The following CLCN4 variants were observed in gnomAD, a reference collection of about 807,000 sequenced individuals.
CLCN4 encodes Cl-/H+ antiporter 4, also known as H(+)/Cl(-) exchange transporter 4.
A neutral mutation model predicts 41.7 loss-of-function variants in CLCN4; 1 was observed. That is an observed-to-expected ratio of 0.02 (90% CI 0.01 to 0.11). The LOEUF is 0.11. CLCN4 is among the 10% of genes least tolerant of loss of function. The probability of loss-of-function intolerance (pLI) is 1.00; values close to 1 mark genes in which losing one functional copy is unlikely to be tolerated. For missense variants in CLCN4, 287 were observed against 661.0 expected (o/e 0.43, Z 6.20); for synonymous variants, 277 against 285.8 (o/e 0.97, Z 0.31).
intron 11 of CLCN4, 146 bp downstream of exon 11, chrX:10,214,225 G>A: frequency 1.7e-6 from 1 of 597,445 alleles, no homozygotes; most frequent in Admixed American, 4.5e-5. Flanking sequence ...CCAGGGGTCT[G>A]GCTCAAAAGC....
intron 12 of CLCN4, 49 bp downstream of exon 12, chrX:10,220,926 G>A (rs1448768610): frequency 1.9e-6 from 2 of 1,039,124 alleles, no homozygotes; most frequent in South Asian, 1.9e-5. Context: ...AAAAAGATGA[G>A]TGAGACATGG....
intron 2 of CLCN4, among the ~76,000 whole-genome samples, chrX:10,161,334 C>T (rs59866001): frequency 0.051 from 5,675 of 111,502 alleles, 330 homozygotes; most frequent in African/African-American, 0.17. Context: ...CTTCAGTCCA[C>T]GGACATCCCA....
In CLCN4 at chrX:10,212,778, A is replaced by G. The variant is rs191918152; in HGVS notation, c.1576+125A>G. 1,530 of 593,952 alleles carry G rather than the reference A, an allele frequency of 2.6e-3. 15 individuals carry two copies. The African/African-American group carries it at 0.031, about 12-fold the overall frequency. 48.9% of individuals were successfully genotyped at this position (593,952 alleles called of 1,213,427 possible). On this transcript the variant is annotated intron_variant, in intron 10 of 12. Transcript: ENST00000380833. ...GGATAGGCTGGGTTGTGTGGCTATAACAAGTAAACCCCTAAATCACAATGG... is the reference window on the plus strand; with the variant it reads ...GGATAGGCTGGGTTGTGTGGCTATAGCAAGTAAACCCCTAAATCACAATGG...
At chrX:10,186,875 G>A (rs1360245965) in intron 3 of CLCN4, among the ~76,000 whole-genome samples, 2 of 111,674 alleles carry the variant, frequency 1.8e-5, no homozygotes, top group East Asian at 2.8e-4. Flanking sequence ...GAGTTGCAAC[G>A]GAGACCATCC....
intron 9 of CLCN4, among the ~76,000 whole-genome samples, chrX:10,210,650 CTTTT>C (rs34763016): frequency 2.7e-5 from 2 of 75,085 alleles, no homozygotes; most frequent in African/African-American, 1.0e-4. Flanking sequence ...CCTGAATTGT[CTTTT>C]TTTTTTTTTT....
intron 11 of CLCN4, among the ~76,000 whole-genome samples, chrX:10,214,471 G>A (rs1007591202): frequency 8.8e-6 from 1 of 113,022 alleles, no homozygotes; most frequent in Non-Finnish European, 1.9e-5. Flanking sequence ...GAAGAGAGGC[G>A]ACAGCCTGGA....
intron 2 of CLCN4, among the ~76,000 whole-genome samples, chrX:10,164,953 C>T (rs970482339): frequency 8.9e-6 from 1 of 112,532 alleles, no homozygotes; most frequent in Non-Finnish European, 1.9e-5. Context: ...GGGCCCAGCA[C>T]ATTTGTTCCT....
chrX:10,232,798 T>C (rs1213266211), intron 12 of CLCN4, among the ~76,000 whole-genome samples: 1 of 111,068 alleles, frequency 9.0e-6, no homozygotes, highest in Non-Finnish European at 1.9e-5. Flanking sequence ...GGTGGTCCCA[T>C]ACAATGGACT....
chrX:10,160,283 C>T (rs1279439012), intron 2 of CLCN4, among the ~76,000 whole-genome samples: 1 of 111,978 alleles, frequency 8.9e-6, no homozygotes, highest in East Asian at 2.8e-4. Context: ...ATCTGATTCC[C>T]TTTCTTAATA....
intron 2 of CLCN4, among the ~76,000 whole-genome samples, chrX:10,172,299 A>G (rs919727168): frequency 1.8e-5 from 2 of 112,175 alleles, no homozygotes; most frequent in Non-Finnish European, 3.8e-5. Flanking sequence ...CCTATTCCCA[A>G]TAATGCACTT....
chrX:10,214,329 T>C (rs1924650516), intron 11 of CLCN4, among the ~76,000 whole-genome samples: 1 of 112,588 alleles, frequency 8.9e-6, no homozygotes, highest in Non-Finnish European at 1.9e-5. Flanking sequence ...CACGTCACAC[T>C]GTAAGGAAAA....
chrX:10,206,551 G>C lies in CLCN4; in HGVS notation c.749G>C (p.Gly250Ala). The C allele has an allele frequency of 8.3e-7, 1 of 1,210,039 alleles. No individual in the cohort carries two copies. The highest frequency in any genetic ancestry group is 1.1e-6 in the Non-Finnish European group (1 of 894,418). Residue 250 changes from glycine (G) to alanine (A), a missense_variant, in exon 7 of 13, where the codon GGC (glycine) becomes GCC (alanine). By Grantham distance (60) the Gly-to-Ala change is moderately conservative (BLOSUM62 0). Transcript: ENST00000380833. ...TTCTCCAAGTACAGCAAGAATGAGGGCAAGAGGCGGGAGGTGAGCCAGCTC... is the reference window on the plus strand; with the variant it reads ...TTCTCCAAGTACAGCAAGAATGAGGCCAAGAGGCGGGAGGTGAGCCAGCTC... ...SLFSKYSKNE[G>A]KRREVLSAAA...
intron 4 of CLCN4, among the ~76,000 whole-genome samples, chrX:10,188,537 A>G (rs1007050949): frequency 3.6e-5 from 4 of 112,301 alleles, no homozygotes; most frequent in Admixed American, 9.4e-5. Flanking sequence ...TCTTTTTAAT[A>G]TCAAACGCAC....
In CLCN4 at chrX:10,206,691, T is replaced by C; in HGVS notation, c.763-5T>C. ...GAAGCTTATGTAGAACTATTTGTTT[T>C]GTAGGTGCTTTCAGCTGCAGCGGCT... is the stretch of plus-strand genomic sequence containing the variant. On this transcript the variant is annotated splice_region_variant and splice_polypyrimidine_tract_variant and intron_variant, in intron 7 of 12. Coordinates refer to ENST00000380833, the MANE Select transcript of CLCN4 (RefSeq NM_001830.4). 8.3e-7 allele frequency: 1 copy of C among 1,205,653 alleles called. No homozygotes were observed. Among genetic ancestry groups the C allele is most frequent in the East Asian group, 3.0e-5 (1 of 33,819 alleles).
At chrX:10,172,063 C>A (rs1303394248) in intron 2 of CLCN4, among the ~76,000 whole-genome samples, 1 of 112,384 alleles carries the variant, frequency 8.9e-6, no homozygotes, top group African/African-American at 3.2e-5. Flanking sequence ...AATACAAATT[C>A]CCAGATGCCA....
chrX:10,216,800 G>T (rs944305554), intron 11 of CLCN4, among the ~76,000 whole-genome samples: 1 of 101,492 alleles, frequency 9.9e-6, no homozygotes, highest in Non-Finnish European at 2.0e-5. Context: ...GGGAGAAAGA[G>T]GTTTCTGCCC....
chrX:10,211,139 G>A (rs1198931653), intron 9 of CLCN4, among the ~76,000 whole-genome samples: 3 of 105,537 alleles, frequency 2.8e-5, no homozygotes, highest in South Asian at 4.3e-4. Context: ...GGTGACACAC[G>A]CCTGTGGTCC....
Position 10,220,867 on chromosome X carries a change from A to G in CLCN4, c.2182A>G (p.Thr728Ala), listed in dbSNP as rs1203417051. Residue 728 changes from threonine to alanine, a missense_variant, in exon 12 of 13, where the codon ACG becomes GCG. This residue lies in a region of CLCN4 where 14 missense variants were observed against 50.0 expected (regional missense o/e 0.28). Coordinates refer to ENST00000380833, the MANE Select transcript of CLCN4 (RefSeq NM_001830.4). ...ACTGGGGCTTCGGCAGTGCCTGGTG[A>G]CGCGGAGCGGGTGAGTAGCCGGACA... is the stretch of plus-strand genomic sequence containing the variant. ...RKLGLRQCLV[T>A]RSGRLLGIIT... 9 of 1,207,087 alleles carry G rather than the reference A, an allele frequency of 7.5e-6. No homozygotes were observed. The highest frequency in any genetic ancestry group is 1.0e-5 in the Non-Finnish European group (9 of 892,435).
At chrX:10,163,361 G>A (rs1923157643) in intron 2 of CLCN4, among the ~76,000 whole-genome samples, 1 of 92,221 alleles carries the variant, frequency 1.1e-5, no homozygotes, top group Admixed American at 1.2e-4. Context: ...TTATGTGCAG[G>A]AATTTTTTTT....
Sources: gnomAD v4.1 joint callset for allele counts (sites outside exome capture counted in the v4.1 genomes callset) on GRCh38, gnomAD v4.1.1 for gene constraint, gnomAD v4.1.1 regional missense constraint, MANE v1.5 for transcripts, NCBI Gene and HGNC (gene_info 2026-07-23, HGNC 2026-07-21) for gene names.